RBMS3: variants seen among roughly 807,000 people sequenced by gnomAD.
RBMS3 encodes the protein RNA binding motif single stranded interacting protein 3.
RBMS3 carries 27 observed loss-of-function variants against 66.8 expected under a neutral mutation model. The ratio of observed to expected loss-of-function variants is 0.40; its 90% CI spans 0.30 to 0.56. The LOEUF is 0.56. Ranked by LOEUF, RBMS3 falls within the 20% of genes least tolerant of loss-of-function variation. The probability of loss-of-function intolerance (pLI) is 0.40; values close to 1 mark genes in which losing one functional copy is unlikely to be tolerated. For synonymous variants in RBMS3, 188 were observed against 183.0 expected (o/e 1.03, Z -0.22); for missense variants, 513 against 549.5 (o/e 0.93, Z 0.66).
intron 2 of RBMS3, among the ~76,000 whole-genome samples, chr3:29,474,267 TATTCTC>T (rs1385329138): frequency 6.6e-6 from 1 of 152,266 alleles, no homozygotes; most frequent in Non-Finnish European, 1.5e-5. Context: ...TCCAGTTTGT[TATTCTC>T]ATAGTGGTAT....
rs3043400 is a variant in RBMS3, at chr3:29,547,807, A to ATT, written c.308-39284_308-39283dup. ...GATTGATAAGCTTGTTTGTGGATTGATTTTTTTTTTTTTTTTTTTTTTTTG... is the reference window on the plus strand; with the variant it reads ...GATTGATAAGCTTGTTTGTGGATTGATTTTTTTTTTTTTTTTTTTTTTTTTTG... On this transcript the variant is annotated intron_variant, in intron 3 of 14. Transcript: ENST00000383767. Among the ~76,000 whole-genome samples, 14 of 93,286 alleles carry ATT rather than the reference A, an allele frequency of 1.5e-4. 1 individual carries two copies. The highest frequency in any genetic ancestry group is 2.5e-4 in the Non-Finnish European group (12 of 47,930). The allele number at this position is 93,286 out of a possible 152,430, so 61.2% of individuals were successfully genotyped here.
intron 4 of RBMS3, among the ~76,000 whole-genome samples, chr3:29,712,191 A>G (rs886630892): frequency 1.3e-5 from 2 of 152,170 alleles, no homozygotes; most frequent in Non-Finnish European, 2.9e-5. Context: ...ATGATTTTAG[A>G]TCTCACCTTG....
intron 1 of RBMS3, among the ~76,000 whole-genome samples, chr3:29,314,614 A>C (rs1221410543): frequency 6.6e-6 from 1 of 151,604 alleles, no homozygotes; most frequent in Non-Finnish European, 1.5e-5. Flanking sequence ...TTTCAGCATT[A>C]CATCCTGTTT....
At chr3:29,429,085 T>C (rs1416246231) in intron 1 of RBMS3, among the ~76,000 whole-genome samples, 1 of 152,156 alleles carries the variant, frequency 6.6e-6, no homozygotes, top group Non-Finnish European at 1.5e-5. Flanking sequence ...TCTGCAGTGT[T>C]GTGGGAGACT....
chr3:29,585,443 C>G (rs1048672319), intron 3 of RBMS3, among the ~76,000 whole-genome samples: 2 of 152,090 alleles, frequency 1.3e-5, no homozygotes, highest in Non-Finnish European at 2.9e-5. Context: ...AGGACACATG[C>G]AGACTTTACT....
chr3:29,554,386 G>A (rs1294934803), intron 3 of RBMS3, among the ~76,000 whole-genome samples: 1 of 152,192 alleles, frequency 6.6e-6, no homozygotes, highest in East Asian at 1.9e-4. Context: ...AATTCAGTTA[G>A]ATTCACTAAG....
At chr3:29,709,408 G>C (rs73829314) in intron 4 of RBMS3, among the ~76,000 whole-genome samples, 12,024 of 152,206 alleles carry the variant, frequency 0.079, 1,593 homozygotes, top group African/African-American at 0.27. Context: ...TTTCACCTGG[G>C]ACCAAGTATC....
At chr3:29,472,319 C>T (rs926711815) in intron 2 of RBMS3, among the ~76,000 whole-genome samples, 1 of 151,924 alleles carries the variant, frequency 6.6e-6, no homozygotes, top group Non-Finnish European at 1.5e-5. Context: ...CCTCAGCTTC[C>T]TCAGTAGCTA....
At chr3:29,354,760 G>T (rs867641045) in intron 1 of RBMS3, among the ~76,000 whole-genome samples, 2 of 152,122 alleles carry the variant, frequency 1.3e-5, no homozygotes, top group East Asian at 3.9e-4. Context: ...GACCAAGGGG[G>T]TGTATTCTTG....
intron 2 of RBMS3, among the ~76,000 whole-genome samples, chr3:29,481,469 A>T (rs2043127459): frequency 6.6e-6 from 1 of 152,212 alleles, no homozygotes; most frequent in Non-Finnish European, 1.5e-5. Context: ...GATGTGGTCA[A>T]CCAGGTATAA....
At chr3:29,711,713 T>C (rs1440523) in intron 4 of RBMS3, among the ~76,000 whole-genome samples, 13,580 of 152,218 alleles carry the variant, frequency 0.089, 1,977 homozygotes, top group African/African-American at 0.3. Context: ...TCCATACACA[T>C]GCTCTAATCT....
At chr3:29,476,031 A>G (rs977988377) in intron 2 of RBMS3, among the ~76,000 whole-genome samples, 1 of 152,156 alleles carries the variant, frequency 6.6e-6, no homozygotes, top group South Asian at 2.1e-4. Flanking sequence ...TTTGTCATGT[A>G]AAACATCCCC....
intron 3 of RBMS3, among the ~76,000 whole-genome samples, chr3:29,532,089 T>C (rs1293379750): frequency 6.6e-6 from 1 of 151,874 alleles, no homozygotes; most frequent in Non-Finnish European, 1.5e-5. Flanking sequence ...TTGTTTCCTC[T>C]CTTTTTTTCT....
intron 8 of RBMS3, among the ~76,000 whole-genome samples, chr3:29,895,286 G>A (rs1365758527): frequency 6.6e-6 from 1 of 151,414 alleles, no homozygotes; most frequent in Non-Finnish European, 1.5e-5. Flanking sequence ...TTTATTAGAT[G>A]TAATTTACAT....
chr3:29,305,476 GT>G (rs1180828914), intron 1 of RBMS3, among the ~76,000 whole-genome samples: 5 of 151,846 alleles, frequency 3.3e-5, no homozygotes, highest in Non-Finnish European at 5.9e-5. Flanking sequence ...TGCCCCTCAG[GT>G]TTATGCCTAG....
chr3:29,616,179 G>A (rs2048665156), intron 4 of RBMS3: 1 of 152,156 alleles, frequency 6.6e-6, no homozygotes, highest in Non-Finnish European at 1.5e-5. Flanking sequence ...GTACAACAAA[G>A]GGCGTTTCTT....
rs903955846 is a variant in RBMS3 at position 29,438,315 on chromosome 3, A to G, written c.248+3400A>G. On this transcript the variant is annotated intron_variant, in intron 2 of 14. Transcript: ENST00000383767. ...AATATTTGCTAATATCCATTGTAAT[A>G]AAATAATAGAAAACAGATACACAAA... Among the ~76,000 whole-genome samples, 125 of 152,288 alleles carry G rather than the reference A, an allele frequency of 8.2e-4. 1 individual carries two copies. Among genetic ancestry groups the G allele is most frequent in the Middle Eastern group, 6.8e-3 (2 of 294 alleles).
rs560208478 is a variant in RBMS3, at chr3:29,681,584, TGTAA to T, written c.400-58133_400-58130del. Among the ~76,000 whole-genome samples the T allele has an allele frequency of 6.9e-3, 1,049 of 151,494 alleles. 15 individuals are homozygous for T. Among genetic ancestry groups the T allele is most frequent in the African/African-American group, 0.023 (963 of 41,276 alleles). On this transcript the variant is annotated intron_variant, in intron 4 of 14. Transcript: ENST00000383767. ...TGTGTTCAATCATTCAGCTCCCACT[TGTAA>T]GTGAGAACACACAGTGTTTGGTTTT... is the stretch of plus-strand genomic sequence containing the variant.
chr3:29,331,576 C>G (rs2035655506), intron 1 of RBMS3, among the ~76,000 whole-genome samples: 1 of 152,106 alleles, frequency 6.6e-6, no homozygotes, highest in Admixed American at 6.6e-5. Context: ...GACCTTGCTT[C>G]CAGGAAACCA....
Sources: gnomAD v4.1 joint callset for allele counts (sites outside exome capture counted in the v4.1 genomes callset) on GRCh38, gnomAD v4.1.1 for gene constraint, MANE v1.5 for transcripts, NCBI Gene and HGNC (gene_info 2026-07-23, HGNC 2026-07-21) for gene names.